PSMF1: variants seen among roughly 807,000 people sequenced by gnomAD.
PSMF1 encodes the protein proteasome inhibitor PI31 subunit.
A neutral mutation model predicts 29.3 loss-of-function variants in PSMF1; 30 were observed. The observed-to-expected ratio is 1.02, with a 90% CI of 0.77 to 1.39. The LOEUF (loss-of-function observed/expected upper bound fraction) is 1.39, where lower values mean the gene tolerates loss of function less well. Among genes scored for constraint, PSMF1 ranks in the 40% most tolerant of loss-of-function variants. The pLI is 0.00. For synonymous variants in PSMF1, 134 were observed against 139.7 expected (o/e 0.96, Z 0.29); for missense variants, 344 against 357.5 (o/e 0.96, Z 0.31).
chr20:1,137,929 G>A (rs1226949751), intron 4 of PSMF1, among the ~76,000 whole-genome samples: 1 of 152,208 alleles, frequency 6.6e-6, no homozygotes, highest in African/African-American at 2.4e-5. Flanking sequence ...AAAGAGTAAG[G>A]TGTTGGGGAG....
At chr20:1,122,792 G>A (rs1456150071) in intron 1 of PSMF1, among the ~76,000 whole-genome samples, 1 of 152,234 alleles carries the variant, frequency 6.6e-6, no homozygotes, top group African/African-American at 2.4e-5. Context: ...ACTGCAGTTA[G>A]AGATATCAGT....
chr20:1,133,569 A>ATATATATATATTTTT, intron 3 of PSMF1, among the ~76,000 whole-genome samples: 9 of 53,302 alleles, frequency 1.7e-4, no homozygotes, highest in Middle Eastern at 0.011. Flanking sequence ...ATATATATAT[A>ATATATATATATTTTT]TTTTTTTTTT....
At chr20:1,118,004 A>C (rs948621280), upstream of PSMF1, 1 of 152,244 alleles carries the variant, frequency 6.6e-6, no homozygotes, top group Non-Finnish European at 1.5e-5. Context: ...AAATGGGGAT[A>C]ATAACGGTCC....
At chr20:1,145,462 A>C (rs1408845474) in intron 4 of PSMF1, among the ~76,000 whole-genome samples, 1 of 152,156 alleles carries the variant, frequency 6.6e-6, no homozygotes, top group Admixed American at 6.5e-5. Flanking sequence ...GCAGGCTCCT[A>C]AAGAATAAGG....
At chr20:1,117,987 A>C (rs2086028830), upstream of PSMF1, 1 of 152,232 alleles carries the variant, frequency 6.6e-6, no homozygotes, top group Admixed American at 6.5e-5. Flanking sequence ...CCGTTTTGTC[A>C]TCTGCAAAAT....
chr20:1,129,244 T>C (rs1244050274), intron 3 of PSMF1, among the ~76,000 whole-genome samples: 2 of 152,214 alleles, frequency 1.3e-5, no homozygotes, highest in Admixed American at 6.5e-5. Flanking sequence ...ACTCCTGACC[T>C]CAAGTGATGG....
At chr20:1,150,372 C>CT (rs1232106838) in intron 4 of PSMF1, among the ~76,000 whole-genome samples, 1 of 152,052 alleles carries the variant, frequency 6.6e-6, no homozygotes, top group Non-Finnish European at 1.5e-5. Context: ...AGTGCTGCTG[C>CT]TTTGAGTCAT....
At chr20:1,117,643 C>A (rs373629938), upstream of PSMF1, among the ~76,000 whole-genome samples, 1 of 152,148 alleles carries the variant, frequency 6.6e-6, no homozygotes, top group East Asian at 1.9e-4. Context: ...CACACCTGGC[C>A]GATCTGACTT....
At chr20:1,131,993 G>T (rs1417970609) in intron 3 of PSMF1, among the ~76,000 whole-genome samples, 1 of 152,158 alleles carries the variant, frequency 6.6e-6, no homozygotes, top group Non-Finnish European at 1.5e-5. Context: ...ACCCATGGAT[G>T]TCCAATGGCC....
chr20:1,150,872 T>C (rs1600165461), intron 4 of PSMF1, among the ~76,000 whole-genome samples: 1 of 152,218 alleles, frequency 6.6e-6, no homozygotes, highest in Non-Finnish European at 1.5e-5. Flanking sequence ...AATCCTCATA[T>C]ATTTTCTCCT....
intron 4 of PSMF1, among the ~76,000 whole-genome samples, chr20:1,153,861 C>A (rs1208622024): frequency 1.3e-5 from 2 of 152,210 alleles, no homozygotes; most frequent in Middle Eastern, 3.4e-3. Flanking sequence ...GAAACAAGTT[C>A]TTTGTTCCCA....
upstream of PSMF1, chr20:1,118,463 C>G (rs2086034245): frequency 7.5e-6 from 2 of 266,538 alleles, no homozygotes; most frequent in South Asian, 1.9e-4. Flanking sequence ...GCGATCCTGT[C>G]GACTGCCGCC....
chr20:1,119,002 C>T lies in PSMF1; in HGVS notation c.129+100C>T. On this transcript the variant is annotated intron_variant, in intron 1 of 6. Transcript: ENST00000335877. ...CAGAGCGCCCGATTTCCCCGCTTCT[C>T]CCAGTGCAGGGTCTGGGGCAGATGG... is the stretch of plus-strand genomic sequence containing the variant. 3.4e-6 allele frequency: 5 copies of T among 1,477,606 alleles called. No individual in the cohort carries two copies. In the South Asian group the frequency reaches 5.0e-5, roughly 15 times the overall value. The allele number at this position is 1,477,606 out of a possible 1,614,324, so 91.5% of individuals were successfully genotyped here.
Position 1,165,628 on chromosome 20 carries a change from A to G in PSMF1, c.*548A>G. ...CGTTTATTAATTGCCATTGCTCCTGACATCACTAAGATGGGTCCCCTTCTG... is the reference window on the plus strand; with the variant it reads ...CGTTTATTAATTGCCATTGCTCCTGGCATCACTAAGATGGGTCCCCTTCTG... On this transcript the variant is annotated 3_prime_UTR_variant, in exon 7 of 7. Coordinates refer to ENST00000335877, the MANE Select transcript of PSMF1 (RefSeq NM_006814.5). 4 of 996,842 alleles carry G rather than the reference A, an allele frequency of 4.0e-6. No individual in the cohort carries two copies. The highest frequency in any genetic ancestry group is 4.8e-6 in the Non-Finnish European group (4 of 836,364). 61.7% of individuals were successfully genotyped at this position (996,842 alleles called of 1,614,324 possible).
intron 4 of PSMF1, among the ~76,000 whole-genome samples, chr20:1,154,142 T>C (rs1328356496): frequency 6.6e-6 from 1 of 152,192 alleles, no homozygotes; most frequent in Non-Finnish European, 1.5e-5. Context: ...CAAAATGATA[T>C]AGTATTGTTA....
intron 4 of PSMF1, among the ~76,000 whole-genome samples, chr20:1,139,744 C>CAA (rs34942443): frequency 5.8e-5 from 2 of 34,228 alleles, no homozygotes; most frequent in Non-Finnish European, 6.8e-5. Context: ...GACTCCATCT[C>CAA]AAAAAAAAAA....
chr20:1,161,514 A>G (rs1311400680), intron 4 of PSMF1: 1 of 542,682 alleles, frequency 1.8e-6, no homozygotes, highest in Non-Finnish European at 3.4e-6. Context: ...CAGGATGCAG[A>G]AAGAGATCAC....
rs182300904 is a variant in PSMF1 at position 1,161,259 on chromosome 20, G to A, written c.552-1871G>A. ...GGACTTTGAGCAGGAGATGGCCACC[G>A]CTATGTCATCCTTCTCCCTGGAGAA... is the stretch of plus-strand genomic sequence containing the variant. On this transcript the variant is annotated intron_variant, in intron 4 of 6. Coordinates refer to ENST00000335877, the MANE Select transcript of PSMF1 (RefSeq NM_006814.5). The A allele has an allele frequency of 1.9e-5, 6 of 320,530 alleles. No individual in the cohort carries two copies. The East Asian group carries it at 2.8e-4, about 15-fold the overall frequency. 19.9% of individuals were successfully genotyped at this position (320,530 alleles called of 1,614,324 possible). A position where few individuals can be genotyped will look rare whatever the true frequency, so the allele number is the denominator to read the frequency against.
At chr20:1,157,343 A>G (rs188893435) in intron 4 of PSMF1, among the ~76,000 whole-genome samples, 2 of 152,248 alleles carry the variant, frequency 1.3e-5, no homozygotes, top group Admixed American at 6.5e-5. Flanking sequence ...TCACATGTCT[A>G]CCCCTTGTCA....
Sources: allele counts gnomAD v4.1 joint callset (sites outside exome capture counted in the v4.1 genomes callset), GRCh38; gene constraint gnomAD v4.1.1; transcripts MANE v1.5; gene names NCBI Gene and HGNC (gene_info 2026-07-23, HGNC 2026-07-21).